The following ORAI2 variants were observed in gnomAD, a reference collection of about 807,000 sequenced individuals.
ORAI2 encodes protein orai-2.
Under a neutral mutation model 16.2 loss-of-function variants are expected in ORAI2, and 10 were observed. That is an observed-to-expected ratio of 0.62 (90% CI 0.38 to 1.04). The LOEUF is 1.04. Among genes scored for constraint, ORAI2 ranks in the 50% least tolerant of loss-of-function variants. ORAI2 has a pLI of 0.01. For synonymous variants in ORAI2, 150 were observed against 157.5 expected (o/e 0.95, Z 0.35); for missense variants, 238 against 355.5 (o/e 0.67, Z 2.66).
chr7:102,450,568 G>A lies in ORAI2; in HGVS notation c.*3516G>A, dbSNP rs1224581709. 2 of 152,296 alleles carry A rather than the reference G, an allele frequency of 1.3e-5. No homozygotes were observed. Among genetic ancestry groups the A allele is most frequent in the Admixed American group, 6.5e-5 (1 of 15,284 alleles). The allele number at this position is 152,296 out of a possible 1,614,324, so 9.4% of individuals were successfully genotyped here. A position where few individuals can be genotyped will look rare whatever the true frequency, so the allele number is the denominator to read the frequency against. ...TGATGGTGGCACATGGGTGGGGACG[G>A]AGCCACATCCAAGTCTAGCCCTCTG... is the stretch of plus-strand genomic sequence containing the variant. On this transcript the variant is annotated 3_prime_UTR_variant, in exon 4 of 4. Coordinates refer to ENST00000495936, the MANE Select transcript of ORAI2 (RefSeq NM_001126340.3).
chr7:102,438,272 C>T (rs976623325), intron 2 of ORAI2, among the ~76,000 whole-genome samples: 13 of 151,816 alleles, frequency 8.6e-5, no homozygotes, highest in Non-Finnish European at 1.3e-4. Context: ...CGCTTGAAGC[C>T]GGGAGTCAGA....
intron 2 of ORAI2, among the ~76,000 whole-genome samples, chr7:102,438,069 T>C (rs889079075): frequency 6.7e-6 from 1 of 148,230 alleles, no homozygotes; most frequent in African/African-American, 2.5e-5. Flanking sequence ...AAAAGTAGGC[T>C]GGACGCGGTG....
At chr7:102,444,799 G>A (rs917293480) in intron 3 of ORAI2, among the ~76,000 whole-genome samples, 1 of 151,568 alleles carries the variant, frequency 6.6e-6, no homozygotes, top group Admixed American at 6.6e-5. Context: ...CTGAGTAGCT[G>A]GGATTACAGA....
In ORAI2 at chr7:102,452,101, G is replaced by A. The variant is rs1027808542; in HGVS notation, c.*5049G>A. 2.0e-5 allele frequency: 3 copies of A among 152,104 alleles called. No homozygotes were observed. The highest frequency in any genetic ancestry group is 4.8e-5 in the African/African-American group (2 of 41,432). 9.4% of individuals were successfully genotyped at this position (152,104 alleles called of 1,614,324 possible). A position where few individuals can be genotyped will look rare whatever the true frequency, so the allele number is the denominator to read the frequency against. On this transcript the variant is annotated 3_prime_UTR_variant, in exon 4 of 4. Transcript: ENST00000495936. ...GCAGGAACAGGTGGGTCCCTCCTGC[G>A]GGCTGGTGGCACTGCTAAGGAAGCA...
intron 3 of ORAI2, among the ~76,000 whole-genome samples, chr7:102,443,924 C>T (rs1221356977): frequency 6.6e-6 from 1 of 152,002 alleles, no homozygotes; most frequent in Admixed American, 6.6e-5. Flanking sequence ...TCAGGCTGGT[C>T]TCGAACTCCT....
chr7:102,440,238 T>A (rs1393422725), intron 3 of ORAI2, among the ~76,000 whole-genome samples: 1 of 152,118 alleles, frequency 6.6e-6, no homozygotes, highest in Non-Finnish European at 1.5e-5. Flanking sequence ...AGAGATTGAT[T>A]GGGGTTGGAT....
intron 3 of ORAI2, among the ~76,000 whole-genome samples, chr7:102,440,035 G>GT (rs1797154258): frequency 1.3e-5 from 2 of 152,144 alleles, no homozygotes; most frequent in African/African-American, 4.8e-5. Context: ...GTGAGCCAAG[G>GT]TCACGCCACT....
rs10672661 is a variant in ORAI2 at position 102,451,200 on chromosome 7, C to CA, written c.*4164dup. The CA allele has an allele frequency of 0.22, 27,227 of 124,456 alleles. 4,740 individuals carry two copies. The highest frequency in any genetic ancestry group is 0.46 in the African/African-American group (14,850 of 32,468). The allele number at this position is 124,456 out of a possible 1,614,324, so 7.7% of individuals were successfully genotyped here. A position where few individuals can be genotyped will look rare whatever the true frequency, so the allele number is the denominator to read the frequency against. On this transcript the variant is annotated 3_prime_UTR_variant, in exon 4 of 4. Coordinates refer to ENST00000495936, the MANE Select transcript of ORAI2 (RefSeq NM_001126340.3). ...TGGGTAACAGAGCAAGACTCTGTCTCAAAAAAAAAAAAAAAAGAACAGGGG... is the reference window on the plus strand; with the variant it reads ...TGGGTAACAGAGCAAGACTCTGTCTCAAAAAAAAAAAAAAAAAGAACAGGGG...
intron 3 of ORAI2, among the ~76,000 whole-genome samples, chr7:102,440,093 T>G (rs1797155807): frequency 2.6e-5 from 4 of 152,016 alleles, no homozygotes; most frequent in Admixed American, 1.3e-4. Flanking sequence ...ATAAATAGAT[T>G]AATTAATTAA....
rs1236725040 is a variant in ORAI2, at chr7:102,450,339, C to T, written c.*3287C>T. On this transcript the variant is annotated 3_prime_UTR_variant, in exon 4 of 4. Coordinates refer to ENST00000495936, the MANE Select transcript of ORAI2 (RefSeq NM_001126340.3). ...CTGGGAGAGGCAGCAGGCCCTTACT[C>T]TGGCCTGAGTCTTTTGGGAGGGGCC... 2 of 152,354 alleles carry T rather than the reference C, an allele frequency of 1.3e-5. No homozygotes were observed. The highest frequency in any genetic ancestry group is 1.5e-5 in the Non-Finnish European group (1 of 68,136). 9.4% of individuals were successfully genotyped at this position (152,354 alleles called of 1,614,324 possible).
Position 102,438,963 on chromosome 7 carries a change from G to A in ORAI2, c.7G>A (p.Ala3Thr), listed in dbSNP as rs1325646203. ...CCTTAGCCTGGCTCCCACCATGAGT[G>A]CTGAGCTTAACGTGCCTATCGACCC... is the stretch of plus-strand genomic sequence containing the variant. MS[A>T]ELNVPIDPSA... The change falls in exon 3 of 4, where the codon GCT becomes ACT. Residue 3 changes from alanine (A) to threonine (T), a missense_variant. Physicochemically the swap from Ala to Thr is moderately conservative, Grantham distance 58. This residue lies in a region of ORAI2 where 61 missense variants were observed against 72.7 expected (regional missense o/e 0.84). Transcript: ENST00000495936. 6.2e-7 allele frequency: 1 copy of A among 1,613,944 alleles called. No homozygotes were observed. The highest frequency in any genetic ancestry group is 1.7e-5 in the Admixed American group (1 of 60,002).
intron 3 of ORAI2, among the ~76,000 whole-genome samples, chr7:102,445,456 C>T (rs1183740175): frequency 4.6e-5 from 7 of 151,604 alleles, no homozygotes; most frequent in Non-Finnish European, 5.9e-5. Context: ...AGGTCAGTTT[C>T]CTTTTTTTGT....
At chr7:102,441,194 C>G (rs927199948) in intron 3 of ORAI2, among the ~76,000 whole-genome samples, 1 of 151,322 alleles carries the variant, frequency 6.6e-6, no homozygotes, top group Non-Finnish European at 1.5e-5. Flanking sequence ...TGCCCAGCCT[C>G]TATTGTTTTT....
chr7:102,446,494 T>TC lies in ORAI2; in HGVS notation c.226-18dup, dbSNP rs1797366726. 6.3e-7 allele frequency: 1 copy of TC among 1,592,514 alleles called. No homozygotes were observed. ...TTGCCCTCTCCACACCCAGCACCAC[T>TC]CGTCTGCTGTCCCCGCAGGTGGCCA... On this transcript the variant is annotated intron_variant, in intron 3 of 3. Coordinates refer to ENST00000495936, the MANE Select transcript of ORAI2 (RefSeq NM_001126340.3).
intron 3 of ORAI2, among the ~76,000 whole-genome samples, chr7:102,442,804 C>T (rs538671688): frequency 6.6e-6 from 1 of 150,850 alleles, no homozygotes; most frequent in Non-Finnish European, 1.5e-5. Flanking sequence ...TGGAGTGAGC[C>T]GAGAACATGC....
intron 2 of ORAI2, among the ~76,000 whole-genome samples, chr7:102,437,446 C>T (rs1197973881): frequency 6.6e-6 from 1 of 151,794 alleles, no homozygotes; most frequent in Non-Finnish European, 1.5e-5. Context: ...GAAACCCTGT[C>T]TCTACTAAAA....
At chr7:102,446,441 TGGCA>T in intron 3 of ORAI2, 68 bp from the exon 4 acceptor site, 2 of 1,472,762 alleles carry the variant, frequency 1.4e-6, no homozygotes, top group Non-Finnish European at 1.8e-6. Context: ...CTGCTCTGCC[TGGCA>T]GGTGGCCCTG....
rs907982131 is a variant in ORAI2, at chr7:102,451,772, C to T, written c.*4720C>T. ...TCGCTGGTCACTGGCCAGTGTCCTCCCAGGCTGCCCCGGCAAGGGGGCGTG... is the reference window on the plus strand; with the variant it reads ...TCGCTGGTCACTGGCCAGTGTCCTCTCAGGCTGCCCCGGCAAGGGGGCGTG... On this transcript the variant is annotated 3_prime_UTR_variant, in exon 4 of 4. Coordinates refer to ENST00000495936, the MANE Select transcript of ORAI2 (RefSeq NM_001126340.3). 6.6e-6 allele frequency: 1 copy of T among 152,274 alleles called. No homozygotes were observed. The highest frequency in any genetic ancestry group is 1.5e-5 in the Non-Finnish European group (1 of 68,060). 9.4% of individuals were successfully genotyped at this position (152,274 alleles called of 1,614,324 possible).
intron 3 of ORAI2, among the ~76,000 whole-genome samples, chr7:102,444,254 T>A (rs1037170524): frequency 6.6e-6 from 1 of 151,680 alleles, no homozygotes; most frequent in Non-Finnish European, 1.5e-5. Context: ...TATTTTATTT[T>A]ATTTATTTAT....
Sources: allele counts gnomAD v4.1 joint callset (sites outside exome capture counted in the v4.1 genomes callset), GRCh38; gene constraint gnomAD v4.1.1; regional missense constraint gnomAD v4.1.1; transcripts MANE v1.5; gene names NCBI Gene and HGNC (gene_info 2026-07-23, HGNC 2026-07-21).